Variants in SLC2A4 observed in about 807,000 individuals in gnomAD.
SLC2A4 encodes solute carrier family 2 member 4.
A neutral mutation model predicts 53.3 loss-of-function variants in SLC2A4; 31 were observed. That is an observed-to-expected ratio of 0.58 (90% confidence interval 0.44 to 0.78). The LOEUF is 0.78. Among genes scored for constraint, SLC2A4 ranks in the 30% least tolerant of loss-of-function variants. The probability of loss-of-function intolerance (pLI) is 0.00; values close to 1 mark genes in which losing one functional copy is unlikely to be tolerated. For missense variants in SLC2A4, 538 were observed against 655.7 expected (o/e 0.82, Z 1.96); for synonymous variants, 276 against 281.9 (o/e 0.98, Z 0.21).
In SLC2A4 at chr17:7,285,979, TC is replaced by T. The variant is rs1402321846; in HGVS notation, c.1326+75del. 7.0e-6 allele frequency: 10 copies of T among 1,423,760 alleles called. No homozygotes were observed. In the African/African-American group the frequency reaches 1.4e-4, roughly 20 times the overall value. 88.2% of individuals were successfully genotyped at this position (1,423,760 alleles called of 1,614,324 possible). A position where few individuals can be genotyped will look rare whatever the true frequency, so the allele number is the denominator to read the frequency against. ...GCATCACACAGCTAGCCCACCTGCTTCCCCGTCAGGGACTCCTCCAGCCACA... is the reference window on the plus strand; with the variant it reads ...GCATCACACAGCTAGCCCACCTGCTTCCCGTCAGGGACTCCTCCAGCCACA... On this transcript the variant is annotated intron_variant, in intron 10 of 10. Coordinates refer to ENST00000317370, the MANE Select transcript of SLC2A4 (RefSeq NM_001042.3). This position sits in a 1 kb window ranked among gnomAD's most constrained non-coding sequence, Gnocchi z 6.0.
At position 7,283,905 on chromosome 17, in the gene SLC2A4, T is replaced by G. The variant is rs1435952228; in HGVS notation, c.448+43T>G. The G allele has an allele frequency of 2.5e-6, 4 of 1,613,988 alleles. No individual in the cohort carries two copies. Among genetic ancestry groups the G allele is most frequent in the Non-Finnish European group, 3.4e-6 (4 of 1,180,012 alleles). On this transcript the variant is annotated intron_variant, in intron 4 of 10. Transcript: ENST00000317370. The surrounding 1 kb of genome is among the most constrained non-coding windows in gnomAD (Gnocchi z 5.8). Reference sequence around the variant, plus strand: ...AGCCCTGCCTAGCGCCCTGTTCTCTTTCACCATGCCTGGGCTTTCAGATGG... The same window carrying G: ...AGCCCTGCCTAGCGCCCTGTTCTCTGTCACCATGCCTGGGCTTTCAGATGG...
In SLC2A4 at chr17:7,285,784, C is replaced by G. The variant is rs753065241; in HGVS notation, c.1202C>G (p.Pro401Arg). The G allele has an allele frequency of 6.2e-7, 1 of 1,614,090 alleles. No homozygotes were observed. Among genetic ancestry groups the G allele is most frequent in the Non-Finnish European group, 8.5e-7 (1 of 1,180,034 alleles). ...GCATTTTTTGAGATTGGCCCTGGCC[C>G]CATTCCTTGGTTCATCGTGGCCGAG... Reference protein sequence around the residue: ...FVAFFEIGPGPIPWFIVAELF... With the variant: ...FVAFFEIGPGRIPWFIVAELF... Residue 401 changes from proline (P) to arginine (R), a missense_variant, in exon 10 of 11, where the codon CCC (proline) becomes CGC (arginine). Pro to Arg is a moderately radical substitution (Grantham distance 103, BLOSUM62 -2). Coordinates refer to ENST00000317370, the MANE Select transcript of SLC2A4 (RefSeq NM_001042.3). The surrounding 1 kb of genome is among the most constrained non-coding windows in gnomAD (Gnocchi z 6.0).
rs757908939 is a variant in SLC2A4, at chr17:7,285,911, A to G, written c.1326+3A>G. On this transcript the variant is annotated splice_donor_region_variant and intron_variant, in intron 10 of 10. Coordinates refer to ENST00000317370, the MANE Select transcript of SLC2A4 (RefSeq NM_001042.3). The surrounding 1 kb of genome is among the most constrained non-coding windows in gnomAD (Gnocchi z 6.0). ...GCATGGGTTTCCAGTATGTTGCGGT[A>G]GGTCCCCCCGCCCCAGCCTCCCACA... 1.2e-6 allele frequency: 2 copies of G among 1,610,658 alleles called. No individual in the cohort carries two copies. The highest frequency in any genetic ancestry group is 1.7e-6 in the Non-Finnish European group (2 of 1,177,190).
Position 7,286,046 on chromosome 17 carries a change from C to T in SLC2A4, c.1326+138C>T, listed in dbSNP as rs565434888. The T allele has an allele frequency of 1.5e-3, 1,116 of 758,952 alleles. 6 individuals are homozygous for T. Among genetic ancestry groups the T allele is most frequent in the Non-Finnish European group, 2.0e-3 (921 of 469,292 alleles). The allele number at this position is 758,952 out of a possible 1,614,324, so 47.0% of individuals were successfully genotyped here. ...GGTCAGTTTGGTGGACCACCTGCTC[C>T]ACAGAATCAAAGCAAGGAAGGGAGC... On this transcript the variant is annotated intron_variant, in intron 10 of 10. Coordinates refer to ENST00000317370, the MANE Select transcript of SLC2A4 (RefSeq NM_001042.3).
chr17:7,283,687 G>A lies in SLC2A4; in HGVS notation c.323+42G>A, dbSNP rs377292213. The A allele has an allele frequency of 1.9e-6, 3 of 1,613,912 alleles. No individual in the cohort carries two copies. The highest frequency in any genetic ancestry group is 2.7e-5 in the African/African-American group (2 of 75,048). ...CAGGGGTGGGGGAAACAGGAAGGGA[G>A]CCACTGCTGGGTGCCCTCACCCTCA... On this transcript the variant is annotated intron_variant, in intron 3 of 10. Transcript: ENST00000317370. This position sits in a 1 kb window ranked among gnomAD's most constrained non-coding sequence, Gnocchi z 5.8.
In SLC2A4 at chr17:7,281,856, C is replaced by T; in HGVS notation, c.-79C>T. On this transcript the variant is annotated 5_prime_UTR_variant, in exon 1 of 11. Transcript: ENST00000317370. The stretch of plus-strand genomic sequence containing the variant: ...CCCCGCGGCCTCCGCAGGTTCTGCG[C>T]TCCAGGCCGGAGTCAGAGACTCCAG... 1.3e-6 allele frequency: 2 copies of T among 1,490,172 alleles called. No individual in the cohort carries two copies. The highest frequency in any genetic ancestry group is 1.8e-4 in the Middle Eastern group (1 of 5,698). The allele number at this position is 1,490,172 out of a possible 1,614,324, so 92.3% of individuals were successfully genotyped here.
chr17:7,286,135 C>T, intron 10 of SLC2A4: 1 of 612,028 alleles, frequency 1.6e-6, no homozygotes, highest in South Asian at 2.0e-5. Context: ...TACCTTACTC[C>T]AAGAATAAAA....
chr17:7,287,650 C>G lies in SLC2A4; in HGVS notation c.*1021C>G, dbSNP rs1461384856. The stretch of plus-strand genomic sequence containing the variant: ...CTCCCTTCCTGGAAGGGTGCTGCAT[C>G]CACAGGCTTTTGACCAACTAAGGCA... On this transcript the variant is annotated 3_prime_UTR_variant, in exon 11 of 11. Transcript: ENST00000317370. 6.6e-6 allele frequency: 1 copy of G among 152,242 alleles called. No homozygotes were observed. The highest frequency in any genetic ancestry group is 1.5e-5 in the Non-Finnish European group (1 of 68,058). 9.4% of individuals were successfully genotyped at this position (152,242 alleles called of 1,614,324 possible).
In SLC2A4 at chr17:7,283,046, T is replaced by TC; in HGVS notation, c.34-197dup. The TC allele has an allele frequency of 1.5e-6, 1 of 648,460 alleles. No individual in the cohort carries two copies. The highest frequency in any genetic ancestry group is 1.8e-5 in the African/African-American group (1 of 55,640). 40.2% of individuals were successfully genotyped at this position (648,460 alleles called of 1,614,324 possible). The stretch of plus-strand genomic sequence containing the variant: ...CTTATGGACCCAAACATCCAGTTTC[T>TC]CCTTTATGCCCAGGTTGCAGTTCAG... On this transcript the variant is annotated intron_variant, in intron 1 of 10. Transcript: ENST00000317370. This position sits in a 1 kb window ranked among gnomAD's most constrained non-coding sequence, Gnocchi z 5.8.
Position 7,284,198 on chromosome 17 carries a change from T to C in SLC2A4, c.565-19T>C, listed in dbSNP as rs767201613. ...GAAGGGCTGAGTGACCTGCCTTCTTTCCCAACCTTCTCCCACAGGTGCTGG... is the reference window on the plus strand; with the variant it reads ...GAAGGGCTGAGTGACCTGCCTTCTTCCCCAACCTTCTCCCACAGGTGCTGG... On this transcript the variant is annotated intron_variant, in intron 5 of 10. Coordinates refer to ENST00000317370, the MANE Select transcript of SLC2A4 (RefSeq NM_001042.3). The surrounding 1 kb of genome is among the most constrained non-coding windows in gnomAD (Gnocchi z 7.5). 9 of 1,611,868 alleles carry C rather than the reference T, an allele frequency of 5.6e-6. No homozygotes were observed. Among genetic ancestry groups the C allele is most frequent in the Non-Finnish European group, 7.6e-6 (9 of 1,180,008 alleles).
chr17:7,285,045 C>A lies in SLC2A4; in HGVS notation c.1021-43C>A, dbSNP rs750107110. On this transcript the variant is annotated intron_variant, in intron 8 of 10. Transcript: ENST00000317370. The surrounding 1 kb of genome is among the most constrained non-coding windows in gnomAD (Gnocchi z 6.0). ...TCACCCACGCGGCCCCTCCTACTTC[C>A]CGTGCCCAAAAGGCTGGGGTCAAGC... 13 of 1,610,878 alleles carry A rather than the reference C, an allele frequency of 8.1e-6. No homozygotes were observed. The East Asian group carries it at 2.5e-4, about 30-fold the overall frequency.
Position 7,284,403 on chromosome 17 carries a change from G to A in SLC2A4, c.727+24G>A. 1.2e-6 allele frequency: 2 copies of A among 1,614,108 alleles called. No homozygotes were observed. The highest frequency in any genetic ancestry group is 1.7e-6 in the Non-Finnish European group (2 of 1,180,006). On this transcript the variant is annotated intron_variant, in intron 6 of 10. Transcript: ENST00000317370. This position sits in a 1 kb window ranked among gnomAD's most constrained non-coding sequence, Gnocchi z 7.5. ...GAGTAAGCTCTCCCGCTGCAGCCTG[G>A]CCCAGGCCCATGCCTCCGCCTCATC...
rs1006867568 is a variant in SLC2A4, at chr17:7,285,907, C to T, written c.1325C>T (p.Ala442Val). The T allele has an allele frequency of 7.4e-6, 12 of 1,611,112 alleles. No individual in the cohort carries two copies. The highest frequency in any genetic ancestry group is 1.0e-5 in the Non-Finnish European group (12 of 1,177,656). The change falls in exon 10 of 11, where the codon GCG becomes GTG. Residue 442 changes from alanine to valine, a missense_variant and splice_region_variant. Coordinates refer to ENST00000317370, the MANE Select transcript of SLC2A4 (RefSeq NM_001042.3). The surrounding 1 kb of genome is among the most constrained non-coding windows in gnomAD (Gnocchi z 6.0). ...ATTGGCATGGGTTTCCAGTATGTTG[C>T]GGTAGGTCCCCCCGCCCCAGCCTCC... Reference protein sequence around the residue: ...FIIGMGFQYVAEAMGPYVFLL... With the variant: ...FIIGMGFQYVVEAMGPYVFLL...
rs1001446536 is a variant in SLC2A4 at position 7,282,663 on chromosome 17, G to A, written c.34-582G>A. 2.0e-5 allele frequency among the ~76,000 whole-genome samples: 3 copies of A among 152,252 alleles called. No homozygotes were observed. Among genetic ancestry groups the A allele is most frequent in the Non-Finnish European group, 2.9e-5 (2 of 68,036 alleles). On this transcript the variant is annotated intron_variant, in intron 1 of 10. Transcript: ENST00000317370. This position sits in a 1 kb window ranked among gnomAD's most constrained non-coding sequence, Gnocchi z 4.1. ...ACGTAGATAGAGAAGGCCACCCCTA[G>A]ATGACCGGGATGTCCTTTCTGGAAC...
Position 7,285,192 on chromosome 17 carries a change from A to G in SLC2A4, c.1122+3A>G, listed in dbSNP as rs1270285766. 2 of 1,591,820 alleles carry G rather than the reference A, an allele frequency of 1.3e-6. No homozygotes were observed. The highest frequency in any genetic ancestry group is 1.7e-6 in the Non-Finnish European group (2 of 1,171,288). ...TGACTGTGGCTCTGCTCCTGCTGGT[A>G]AGGCCTGGAGGCTAGGAGGGGCTAG... On this transcript the variant is annotated splice_donor_region_variant and intron_variant, in intron 9 of 10. Transcript: ENST00000317370. This position sits in a 1 kb window ranked among gnomAD's most constrained non-coding sequence, Gnocchi z 6.0.
In SLC2A4 at chr17:7,284,924, C is replaced by T; in HGVS notation, c.1005C>T (p.Val335=). ...TAGGAGCTGGTGTGGTCAACACAGT[C>T]TTCACCTTGGTCTCGGTAACTGCTC... ...ATIGAGVVNT[V]FTLVSVLLVE... Residue 335 remains valine (V), a synonymous_variant, in exon 8 of 11, where the codon GTC becomes GTT. Coordinates refer to ENST00000317370, the MANE Select transcript of SLC2A4 (RefSeq NM_001042.3). This position sits in a 1 kb window ranked among gnomAD's most constrained non-coding sequence, Gnocchi z 7.5. The T allele has an allele frequency of 1.2e-6, 2 of 1,614,232 alleles. No individual in the cohort carries two copies. The highest frequency in any genetic ancestry group is 1.7e-6 in the Non-Finnish European group (2 of 1,180,036).
In SLC2A4 at chr17:7,284,715, G is replaced by T. The variant is rs1567602327; in HGVS notation, c.915+43G>T. The T allele has an allele frequency of 1.2e-6, 2 of 1,612,512 alleles. No homozygotes were observed. The highest frequency in any genetic ancestry group is 1.7e-6 in the Non-Finnish European group (2 of 1,178,752). On this transcript the variant is annotated intron_variant, in intron 7 of 10. Transcript: ENST00000317370. The surrounding 1 kb of genome is among the most constrained non-coding windows in gnomAD (Gnocchi z 7.5). ...TCCAGGCAGGGCACAGCCCCGGGAG[G>T]GTAGACGAGAGTGGGGAGCAAACCC...
chr17:7,286,381 C>G, intron 10 of SLC2A4, 45 bp from the exon 11 acceptor site: 1 of 1,577,708 alleles, frequency 6.3e-7, no homozygotes, highest in Non-Finnish European at 8.7e-7. Flanking sequence ...TACCCCTTCC[C>G]TCCCCACCTC....
At chr17:7,286,309 A>G (rs1156897095) in intron 10 of SLC2A4, 117 bp from the exon 11 acceptor site, 2 of 824,204 alleles carry the variant, frequency 2.4e-6, no homozygotes, top group African/African-American at 3.3e-5. Context: ...TGGAGGAGGC[A>G]GCTGCTGTCT....
Sources: allele counts gnomAD v4.1 joint callset (sites outside exome capture counted in the v4.1 genomes callset), GRCh38; gene constraint gnomAD v4.1.1; non-coding constraint Gnocchi (gnomAD v3.1); transcripts MANE v1.5; gene names NCBI Gene and HGNC (gene_info 2026-07-23, HGNC 2026-07-21).